PLCB1: variants seen among roughly 807,000 people sequenced by gnomAD.
The protein encoded by PLCB1 is phospholipase C beta 1, also known as 1-phosphatidylinositol 4,5-bisphosphate phosphodiesterase beta-1.
PLCB1 carries 46 observed loss-of-function variants against 161.8 expected under a neutral mutation model. The ratio of observed to expected loss-of-function variants is 0.28; its 90% CI spans 0.22 to 0.36. The LOEUF (loss-of-function observed/expected upper bound fraction) is 0.36, where lower values mean the gene tolerates loss of function less well. Among genes scored for constraint, PLCB1 ranks in the 10% least tolerant of loss-of-function variants. The pLI, the probability that PLCB1 is intolerant of heterozygous loss-of-function variation, is 1.00. For synonymous variants in PLCB1, 517 were observed against 503.7 expected (o/e 1.03, Z -0.35); for missense variants, 1,016 against 1,472.5 (o/e 0.69, Z 5.07).
At chr20:8,735,573 G>A (rs887718123) in intron 19 of PLCB1, among the ~76,000 whole-genome samples, 18 of 152,190 alleles carry the variant, frequency 1.2e-4, no homozygotes, top group Admixed American at 1.1e-3. Flanking sequence ...CTCACATGAT[G>A]TTCTACCGTC....
chr20:8,837,513 TA>T (rs1438387595), intron 31 of PLCB1, among the ~76,000 whole-genome samples: 1 of 152,166 alleles, frequency 6.6e-6, no homozygotes, highest in African/African-American at 2.4e-5. Context: ...GAAAGTGCTG[TA>T]ATAGTTTGTT....
chr20:8,770,603 A>G (rs1482256143), intron 26 of PLCB1, among the ~76,000 whole-genome samples: 1 of 152,160 alleles, frequency 6.6e-6, no homozygotes, highest in Non-Finnish European at 1.5e-5. Context: ...ACATCACTCA[A>G]CCTATGCAAG....
At chr20:8,852,296 G>A (rs946201585) in intron 31 of PLCB1, among the ~76,000 whole-genome samples, 4 of 152,212 alleles carry the variant, frequency 2.6e-5, no homozygotes, top group Admixed American at 6.5e-5. Flanking sequence ...GAAAATTGCT[G>A]TGTTACAAAG....
At chr20:8,304,139 A>G (rs1330931734) in intron 2 of PLCB1, among the ~76,000 whole-genome samples, 1 of 152,170 alleles carries the variant, frequency 6.6e-6, no homozygotes, top group African/African-American at 2.4e-5. Flanking sequence ...ACCAAATCTG[A>G]TGGACTCAAG....
intron 2 of PLCB1, among the ~76,000 whole-genome samples, chr20:8,233,529 T>G (rs953804303): frequency 6.6e-6 from 1 of 152,188 alleles, no homozygotes; most frequent in Non-Finnish European, 1.5e-5. Context: ...GTTGATTATT[T>G]TTTTCTTTCC....
chr20:8,500,823 C>A (rs1983373998), intron 3 of PLCB1, among the ~76,000 whole-genome samples: 1 of 152,126 alleles, frequency 6.6e-6, no homozygotes, highest in African/African-American at 2.4e-5. Flanking sequence ...ATTTCACCTC[C>A]CTAAGACATA....
chr20:8,678,105 T>C (rs1215483766), intron 9 of PLCB1, among the ~76,000 whole-genome samples: 1 of 152,172 alleles, frequency 6.6e-6, no homozygotes, highest in Non-Finnish European at 1.5e-5. Context: ...ACTTTGGAGT[T>C]GGACTGGAGA....
At chr20:8,753,359 C>T (rs1006563513) in intron 23 of PLCB1, among the ~76,000 whole-genome samples, 16 of 152,172 alleles carry the variant, frequency 1.1e-4, no homozygotes, top group Admixed American at 3.3e-4. Context: ...TTCCATGAAA[C>T]TGGTCCTTGG....
At chr20:8,466,163 TG>T (rs1449843881) in intron 3 of PLCB1, among the ~76,000 whole-genome samples, 2 of 151,890 alleles carry the variant, frequency 1.3e-5, no homozygotes, top group Admixed American at 1.3e-4. Flanking sequence ...GATGAGTTCA[TG>T]TCCTTTGTGG....
chr20:8,317,501 G>C (rs1374719452), intron 2 of PLCB1, among the ~76,000 whole-genome samples: 1 of 152,048 alleles, frequency 6.6e-6, no homozygotes, highest in African/African-American at 2.4e-5. Flanking sequence ...GATTTGTTGA[G>C]TGAGTAATTT....
chr20:8,492,771 A>C (rs1982997966), intron 3 of PLCB1, among the ~76,000 whole-genome samples: 1 of 151,288 alleles, frequency 6.6e-6, no homozygotes, highest in Admixed American at 6.6e-5. Context: ...GATTTTTCTT[A>C]TGCTGATTTA....
intron 3 of PLCB1, among the ~76,000 whole-genome samples, chr20:8,596,190 G>A (rs1294046807): frequency 6.7e-6 from 1 of 149,646 alleles, no homozygotes; most frequent in Non-Finnish European, 1.5e-5. Flanking sequence ...CCTATATCCC[G>A]AATGGTAATG....
At chr20:8,162,058 T>C (rs1252636403) in intron 2 of PLCB1, among the ~76,000 whole-genome samples, 7 of 152,206 alleles carry the variant, frequency 4.6e-5, no homozygotes, top group African/African-American at 1.7e-4. Flanking sequence ...ACTAGGATTT[T>C]TTTAGAATTA....
At chr20:8,587,961 C>T (rs949041991) in intron 3 of PLCB1, among the ~76,000 whole-genome samples, 1 of 152,136 alleles carries the variant, frequency 6.6e-6, no homozygotes, top group Non-Finnish European at 1.5e-5. Flanking sequence ...TCAGTCTCTC[C>T]CAACCCCCAC....
rs375842768 is a variant in PLCB1 at position 8,591,207 on chromosome 20, C to A, written c.247-37087C>A. Among the ~76,000 whole-genome samples the A allele has an allele frequency of 4.3e-4, 65 of 152,246 alleles. 1 individual carries two copies. Among genetic ancestry groups the A allele is most frequent in the African/African-American group, 1.5e-3 (63 of 41,546 alleles). On this transcript the variant is annotated intron_variant, in intron 3 of 31. Transcript: ENST00000338037. ...CATGGTGTATAAGATCAGCTGCTAG[C>A]ATGCTTAATTTCATCTTCAACCTTA...
chr20:8,217,105 C>G (rs1254004098), intron 2 of PLCB1, among the ~76,000 whole-genome samples: 2 of 152,136 alleles, frequency 1.3e-5, no homozygotes, highest in East Asian at 3.9e-4. Context: ...GTTTTAAACC[C>G]ACTTTACTGA....
At chr20:8,620,045 T>G (rs1988137171) in intron 3 of PLCB1, among the ~76,000 whole-genome samples, 2 of 152,192 alleles carry the variant, frequency 1.3e-5, no homozygotes, top group Admixed American at 6.5e-5. Flanking sequence ...CAACTTGTAT[T>G]CCCTGAGCTT....
intron 2 of PLCB1, among the ~76,000 whole-genome samples, chr20:8,334,264 C>G (rs1324681978): frequency 6.6e-6 from 1 of 152,142 alleles, no homozygotes; most frequent in Non-Finnish European, 1.5e-5. Flanking sequence ...CTAGATCTTT[C>G]TGTTAACAAC....
chr20:8,804,822 T>C (rs1447330811), intron 31 of PLCB1, among the ~76,000 whole-genome samples: 1 of 151,896 alleles, frequency 6.6e-6, no homozygotes, highest in Non-Finnish European at 1.5e-5. Context: ...AAACCCCATC[T>C]CTACTAAAAA....
Sources: allele counts gnomAD v4.1 joint callset (sites outside exome capture counted in the v4.1 genomes callset), GRCh38; gene constraint gnomAD v4.1.1; transcripts MANE v1.5; gene names NCBI Gene and HGNC (gene_info 2026-07-23, HGNC 2026-07-21).